CEP192: variants seen among roughly 807,000 people sequenced by gnomAD.
CEP192 encodes centrosomal protein of 192 kDa.
Under a neutral mutation model 271.8 loss-of-function variants are expected in CEP192, and 151 were observed. That is an observed-to-expected ratio of 0.56 (90% CI 0.49 to 0.64). CEP192 has a LOEUF of 0.64. Ranked by LOEUF, CEP192 falls within the 30% of genes least tolerant of loss-of-function variation. The probability of loss-of-function intolerance (pLI) is 0.00; values close to 1 mark genes in which losing one functional copy is unlikely to be tolerated. For synonymous variants in CEP192, 995 were observed against 1,076.5 expected, an observed-to-expected ratio of 0.92 and a Z score of 1.48; for missense variants, 2,910 against 3,020.5, an observed-to-expected ratio of 0.96 and a Z score of 0.86.
Position 13,008,506 on chromosome 18 carries a change from C to T in CEP192, c.341C>T (p.Ala114Val), listed in dbSNP as rs2034121284. 6.4e-7 allele frequency: 1 copy of T among 1,551,202 alleles called. No homozygotes were observed. Among genetic ancestry groups the T allele is most frequent in the African/African-American group, 1.4e-5 (1 of 73,016 alleles). ...GTGGAAAGTCAACGTTTGTCAAATG[C>T]TCTCAGCAAACAGTCAGCTTTACAA... is the stretch of plus-strand genomic sequence containing the variant. Reference protein sequence around the residue: ...SYVESQRLSNALSKQSALQME... With the variant: ...SYVESQRLSNVLSKQSALQME... The change falls in exon 4 of 45, where the codon GCT becomes GTT. Residue 114 changes from alanine (A) to valine (V), a missense_variant. Physicochemically the swap from Ala to Val is moderately conservative, Grantham distance 64. Coordinates refer to ENST00000506447, the MANE Select transcript of CEP192 (RefSeq NM_032142.4).
At position 13,099,554 on chromosome 18, in the gene CEP192, C is replaced by G; in HGVS notation, c.6636C>G (p.Ile2212Met). The G allele has an allele frequency of 6.3e-7, 1 of 1,586,920 alleles. No homozygotes were observed. Among genetic ancestry groups the G allele is most frequent in the Non-Finnish European group, 8.6e-7 (1 of 1,165,950 alleles). The change falls in exon 37 of 45, where the codon ATC (isoleucine) becomes ATG (methionine). Residue 2212 changes from isoleucine to methionine, a missense_variant. Transcript: ENST00000506447. Reference protein sequence around the residue: ...KQSMFPWSGLIYIHCDDGQKK... With the variant: ...KQSMFPWSGLMYIHCDDGQKK... ...CAATGTTCCCGTGGAGTGGTTTGAT[C>G]TATATACACTGTGACGATGGACAGA... is the stretch of plus-strand genomic sequence containing the variant.
chr18:12,993,162 G>C (rs1317544158), intron 1 of CEP192, among the ~76,000 whole-genome samples: 3 of 152,198 alleles, frequency 2.0e-5, no homozygotes, highest in Non-Finnish European at 4.4e-5. Flanking sequence ...AATTTGGTGA[G>C]AGAGCAGGAG....
chr18:13,115,732 C>T (rs2145099596), intron 42 of CEP192, among the ~76,000 whole-genome samples: 1 of 151,858 alleles, frequency 6.6e-6, no homozygotes, highest in Admixed American at 6.5e-5. Flanking sequence ...AGTGGAGGAT[C>T]AGGTTTGAGG....
intron 28 of CEP192, 122 bp downstream of exon 28, chr18:13,071,334 T>A: frequency 1.3e-6 from 1 of 786,650 alleles, no homozygotes; most frequent in South Asian, 1.9e-5. Flanking sequence ...TGTGCAGAAC[T>A]GGAAAAACCT....
In CEP192 at chr18:13,116,498, C is replaced by G; in HGVS notation, c.7411C>G (p.His2471Asp). The G allele has an allele frequency of 1.2e-6, 2 of 1,601,916 alleles. No individual in the cohort carries two copies. The highest frequency in any genetic ancestry group is 1.7e-6 in the Non-Finnish European group (2 of 1,176,044). Residue 2471 changes from histidine to aspartate, a missense_variant, in exon 43 of 45, where the codon CAC becomes GAC. By Grantham distance (81) the His-to-Asp change is moderately conservative. Coordinates refer to ENST00000506447, the MANE Select transcript of CEP192 (RefSeq NM_032142.4). ...TCTGCGAAATAATTCTTTTATTACA[C>G]ACTCAGTAAGTTGGAAATATTACTA... is the stretch of plus-strand genomic sequence containing the variant. ...VNLRNNSFIT[H>D]SLKFLSPREP... is the part of the protein sequence containing the mutation.
chr18:13,039,695 T>A (rs35523116), intron 13 of CEP192, among the ~76,000 whole-genome samples: 8 of 152,086 alleles, frequency 5.3e-5, no homozygotes, highest in African/African-American at 1.9e-4. Context: ...GGGGGTTTTA[T>A]CTCAGATGAA....
At chr18:13,109,346 G>A (rs184980346) in intron 40 of CEP192, among the ~76,000 whole-genome samples, 13 of 152,252 alleles carry the variant, frequency 8.5e-5, no homozygotes, top group African/African-American at 3.1e-4. Flanking sequence ...TAAATATTGG[G>A]TACTCATGGA....
chr18:13,011,119 TG>T (rs916509346), intron 4 of CEP192, among the ~76,000 whole-genome samples: 2 of 150,216 alleles, frequency 1.3e-5, no homozygotes, highest in Admixed American at 1.3e-4. Context: ...CCCAGCTACT[TG>T]GGGGGCTGAG....
rs1017947794 is a variant in CEP192 at position 13,095,115 on chromosome 18, G to A, written c.6255-388G>A. 1.5e-4 allele frequency among the ~76,000 whole-genome samples: 23 copies of A among 152,098 alleles called. 1 individual carries two copies. Among genetic ancestry groups the A allele is most frequent in the African/African-American group, 3.4e-4 (14 of 41,478 alleles). On this transcript the variant is annotated intron_variant, in intron 34 of 44. Coordinates refer to ENST00000506447, the MANE Select transcript of CEP192 (RefSeq NM_032142.4). ...TGGCCTCAAGTAATTCTCCTGCCTC[G>A]GCCTTCCTGGTAGCTGGGACTACAG...
rs759429644 is a variant in CEP192, at chr18:13,056,422, C to G, written c.3832C>G (p.Pro1278Ala). The G allele has an allele frequency of 8.5e-5, 137 of 1,614,132 alleles. No homozygotes were observed. The highest frequency in any genetic ancestry group is 1.1e-4 in the Non-Finnish European group (124 of 1,180,052). ...TLPSTGSTTL[P>A]QCHAGNATVC... ...CCCTTCAACTGGAAGCACCACCTTG[C>G]CTCAGTGCCATGCTGGCAATGCCAC... The change falls in exon 19 of 45, where the codon CCT becomes GCT. Residue 1278 changes from proline (P) to alanine (A), a missense_variant. Coordinates refer to ENST00000506447, the MANE Select transcript of CEP192 (RefSeq NM_032142.4).
Position 13,087,605 on chromosome 18 carries a change from C to T in CEP192, c.5952C>T (p.Tyr1984=), listed in dbSNP as rs745390409. The change falls in exon 32 of 45, where the codon TAC becomes TAT. Residue 1984 remains tyrosine (Y), a synonymous_variant. Coordinates refer to ENST00000506447, the MANE Select transcript of CEP192 (RefSeq NM_032142.4). ...CTGCAACAGAACTATCAACTGTATA[C>T]TTATTTGGTGGAGATGAAATTTCAA... is the stretch of plus-strand genomic sequence containing the variant. The part of the protein sequence containing the change: ...NKTATELSTV[Y]LFGGDEISRQ... 2 of 1,579,228 alleles carry T rather than the reference C, an allele frequency of 1.3e-6. No homozygotes were observed. Among genetic ancestry groups the T allele is most frequent in the African/African-American group, 1.4e-5 (1 of 73,692 alleles).
chr18:13,122,153 G>A (rs557365407), intron 44 of CEP192, among the ~76,000 whole-genome samples: 1 of 152,222 alleles, frequency 6.6e-6, no homozygotes, highest in East Asian at 1.9e-4. Context: ...GCCAGGCGCG[G>A]TGGCTCATGC....
At chr18:13,124,610 T>C (rs11080628) in intron 44 of CEP192, 22 bp from the exon 45 acceptor site, 175,765 of 1,599,920 alleles carry the variant, frequency 0.11, 10,988 homozygotes, top group East Asian at 0.26. Context: ...CATGCTGCTG[T>C]CATGTGCCTC....
At chr18:13,115,697 T>C (rs1186494192) in intron 42 of CEP192, among the ~76,000 whole-genome samples, 1 of 152,098 alleles carries the variant, frequency 6.6e-6, no homozygotes, top group Non-Finnish European at 1.5e-5. Context: ...GAGGGTCGGC[T>C]CCCAGATACC....
chr18:13,023,351 T>C (rs1474025124), intron 9 of CEP192, among the ~76,000 whole-genome samples: 1 of 152,168 alleles, frequency 6.6e-6, no homozygotes, highest in African/African-American at 2.4e-5. Context: ...GCTTCTAGCT[T>C]CTTACTATTA....
rs765413510 is a variant in CEP192, at chr18:13,056,071, G to C, written c.3481G>C (p.Glu1161Gln). ...GGTAGGTTGGACATCAAACCCTGAG[G>C]AATTGGACCCGATCAGGCTGGCTCT... ...SEVGWTSNPE[E>Q]LDPIRLALLG... Residue 1161 changes from glutamate (E) to glutamine (Q), a missense_variant, in exon 19 of 45, where the codon GAA becomes CAA. Transcript: ENST00000506447. 3.1e-6 allele frequency: 5 copies of C among 1,614,088 alleles called. No individual in the cohort carries two copies. The South Asian group carries it at 5.5e-5, about 18-fold the overall frequency.
intron 44 of CEP192, 158 bp from the exon 45 acceptor site, chr18:13,124,474 C>A: frequency 1.7e-6 from 1 of 591,128 alleles, no homozygotes; most frequent in Non-Finnish European, 2.7e-6. Context: ...GTTATTTTCT[C>A]ATTAAATAAT....
At chr18:13,003,398 G>C (rs1424309328) in intron 3 of CEP192, among the ~76,000 whole-genome samples, 1 of 147,526 alleles carries the variant, frequency 6.8e-6, no homozygotes, top group Non-Finnish European at 1.5e-5. Context: ...GCAATGAGCC[G>C]AGATCACGCC....
At chr18:12,992,402 A>G (rs1243885927) in intron 1 of CEP192, among the ~76,000 whole-genome samples, 4 of 152,228 alleles carry the variant, frequency 2.6e-5, no homozygotes, top group African/African-American at 7.2e-5. Context: ...AATTGTATAC[A>G]TAGACCTACG....
Sources: gnomAD v4.1 joint callset for allele counts (sites outside exome capture counted in the v4.1 genomes callset) on GRCh38, gnomAD v4.1.1 for gene constraint, MANE v1.5 for transcripts, NCBI Gene and HGNC (gene_info 2026-07-23, HGNC 2026-07-21) for gene names.